Variants in SGSM3 observed in about 807,000 individuals in gnomAD.
The protein encoded by SGSM3 is small G protein signaling modulator 3.
In SGSM3, 96 loss-of-function variants were observed where a neutral mutation model predicts 100.5. The ratio of observed to expected loss-of-function variants is 0.96; its 90% CI spans 0.81 to 1.13. The LOEUF is 1.13. SGSM3 is among the 50% of genes most tolerant of loss of function. SGSM3 has a pLI of 0.00. For synonymous variants in SGSM3, 483 were observed against 422.8 expected (o/e 1.14, Z -1.75); for missense variants, 1,001 against 1,015.8 (o/e 0.99, Z 0.20).
Position 40,407,109 on chromosome 22 carries a change from G to A in SGSM3, c.1240+38G>A, listed in dbSNP as rs749567984. 1.0e-5 allele frequency: 16 copies of A among 1,607,228 alleles called. No individual in the cohort carries two copies. Among genetic ancestry groups the A allele is most frequent in the Middle Eastern group, 1.6e-4 (1 of 6,072 alleles). On this transcript the variant is annotated intron_variant, in intron 11 of 21. Transcript: ENST00000248929. This position sits in a 1 kb window ranked among gnomAD's most constrained non-coding sequence, Gnocchi z 4.7. ...CGAGTGCCAGGCAGTGTGGGCATGC[G>A]GGAGTCTGTCCTCACGCTCATGTGG...
intron 1 of SGSM3, among the ~76,000 whole-genome samples, chr22:40,370,920 C>T (rs1018841785): frequency 3.9e-5 from 6 of 152,180 alleles, no homozygotes; most frequent in Non-Finnish European, 7.4e-5. Context: ...CTGCGTCCTC[C>T]GGTGCGGCCG....
At position 40,405,701 on chromosome 22, in the gene SGSM3, T is replaced by C. The variant is rs905171729; in HGVS notation, c.671T>C (p.Met224Thr). The C allele has an allele frequency of 2.5e-6, 4 of 1,613,656 alleles. No homozygotes were observed. In the African/African-American group the frequency reaches 4.0e-5, roughly 16 times the overall value. ...FLEEEDAFWM[M>T]SAIIEDLLPA... ...GAGGAGGAGGACGCCTTCTGGATGA[T>C]GTCTGCCATCATCGAGGACCTGCTC... The change falls in exon 8 of 22, where the codon ATG (methionine) becomes ACG (threonine). Residue 224 changes from methionine (M) to threonine (T), a missense_variant. By Grantham distance (81) the Met-to-Thr change is moderately conservative (BLOSUM62 -1). Transcript: ENST00000248929.
At chr22:40,404,702 T>A in intron 6 of SGSM3, 38 bp downstream of exon 6, 4 of 1,465,226 alleles carry the variant, frequency 2.7e-6, no homozygotes, top group Non-Finnish European at 3.8e-6. Context: ...AGCTGGAGGC[T>A]GTGTGGGCTC....
At chr22:40,405,911 G>C (rs1160828976) in intron 8 of SGSM3, 67 bp downstream of exon 8, 2 of 1,521,242 alleles carry the variant, frequency 1.3e-6, no homozygotes, top group Non-Finnish European at 1.8e-6. Flanking sequence ...TGGCCGAGTG[G>C]GGATAGGGCA....
At chr22:40,401,565 T>G (rs1218137093) in intron 2 of SGSM3, 28 bp from the exon 3 acceptor site, 1 of 1,589,222 alleles carries the variant, frequency 6.3e-7, no homozygotes, top group Admixed American at 1.7e-5. Context: ...ATTTTCTTGA[T>G]TGTTCTCCTG....
chr22:40,408,760 C>G, intron 17 of SGSM3, 34 bp from the exon 18 acceptor site: 1 of 1,613,844 alleles, frequency 6.2e-7, no homozygotes, highest in African/African-American at 1.3e-5. Context: ...CCTGACCCAG[C>G]CCCGGCACCC....
intron 9 of SGSM3, 73 bp downstream of exon 9, chr22:40,406,296 T>C: frequency 6.3e-7 from 1 of 1,588,592 alleles, no homozygotes; most frequent in East Asian, 2.3e-5. Flanking sequence ...GAGACCTCCC[T>C]GGGCCAGGCA....
chr22:40,399,935 C>T (rs1279469967), intron 1 of SGSM3, among the ~76,000 whole-genome samples: 1 of 152,194 alleles, frequency 6.6e-6, no homozygotes, highest in Non-Finnish European at 1.5e-5. Flanking sequence ...GAGCAGAGGC[C>T]GGGACACAGC....
chr22:40,399,919 G>A (rs952128516), intron 1 of SGSM3, among the ~76,000 whole-genome samples: 2 of 152,212 alleles, frequency 1.3e-5, no homozygotes, highest in Non-Finnish European at 2.9e-5. Context: ...TGTGTGTCTG[G>A]GGCAGGAGCA....
At chr22:40,388,491 G>T (rs1307514528) in intron 1 of SGSM3, among the ~76,000 whole-genome samples, 1 of 149,506 alleles carries the variant, frequency 6.7e-6, no homozygotes, top group Non-Finnish European at 1.5e-5. Flanking sequence ...GAGGCTGCAG[G>T]GAGTAGCAGG....
At position 40,406,496 on chromosome 22, in the gene SGSM3, T is replaced by C. The variant is rs2051543801; in HGVS notation, c.1019T>C (p.Ile340Thr). ...TCCATCTTCAACACGCTATCGGATATCCCGTCGCAGATGGAGGACGCGGAG... is the reference window on the plus strand; with the variant it reads ...TCCATCTTCAACACGCTATCGGATACCCCGTCGCAGATGGAGGACGCGGAG... ...SASIFNTLSD[I>T]PSQMEDAELL... The change falls in exon 10 of 22, where the codon ATC becomes ACC. Residue 340 changes from isoleucine to threonine, a missense_variant. Transcript: ENST00000248929. The C allele has an allele frequency of 6.2e-7, 1 of 1,611,158 alleles. No homozygotes were observed. Among genetic ancestry groups the C allele is most frequent in the African/African-American group, 1.3e-5 (1 of 74,888 alleles).
Position 40,409,450 on chromosome 22 carries a change from C to T in SGSM3, c.2112-15C>T. 6.4e-7 allele frequency: 1 copy of T among 1,567,548 alleles called. No individual in the cohort carries two copies. The highest frequency in any genetic ancestry group is 8.7e-7 in the Non-Finnish European group (1 of 1,154,564). ...GGGGGTGACAAGAGCCTTACCACCC[C>T]TTCCTCACCTCTAGAGTCCTCTGCT... is the stretch of plus-strand genomic sequence containing the variant. On this transcript the variant is annotated splice_polypyrimidine_tract_variant and intron_variant, in intron 20 of 21. Coordinates refer to ENST00000248929, the MANE Select transcript of SGSM3 (RefSeq NM_015705.6).
At chr22:40,371,337 T>G (rs2045427513) in intron 1 of SGSM3, among the ~76,000 whole-genome samples, 2 of 152,378 alleles carry the variant, frequency 1.3e-5, no homozygotes, top group Admixed American at 1.3e-4. Context: ...AAGGTTGTTT[T>G]CAGTGACTGG....
chr22:40,409,515 C>T lies in SGSM3; in HGVS notation c.2162C>T (p.Ala721Val), dbSNP rs147301442. Residue 721 changes from alanine (A) to valine (V), a missense_variant, in exon 21 of 22, where the codon GCG becomes GTG. Physicochemically the swap from Ala to Val is moderately conservative, Grantham distance 64. Coordinates refer to ENST00000248929, the MANE Select transcript of SGSM3 (RefSeq NM_015705.6). ...CTCTCCCAGGACTGGGAGCTCCCTGCGAAGAGAGAGGTGGGTGGTGTGGGC... is the reference window on the plus strand; with the variant it reads ...CTCTCCCAGGACTGGGAGCTCCCTGTGAAGAGAGAGGTGGGTGGTGTGGGC... ...FSLSQDWELP[A>V]KREAQQPLKE... The T allele has an allele frequency of 5.3e-5, 84 of 1,598,204 alleles. No homozygotes were observed. Among genetic ancestry groups the T allele is most frequent in the African/African-American group, 9.4e-5 (7 of 74,138 alleles).
At chr22:40,405,984 CCTT>C in intron 8 of SGSM3, 91 bp from the exon 9 acceptor site, 1 of 1,525,494 alleles carries the variant, frequency 6.6e-7, no homozygotes. Context: ...CCCCTCCCCT[CCTT>C]TGCTCTTAAG....
intron 6 of SGSM3, 129 bp from the exon 7 acceptor site, chr22:40,405,012 G>A (rs1028122704): frequency 1.6e-6 from 2 of 1,280,580 alleles, no homozygotes; most frequent in East Asian, 2.5e-5. Flanking sequence ...GACCCTGAAG[G>A]GAGGAGGGTG....
intron 1 of SGSM3, among the ~76,000 whole-genome samples, chr22:40,390,028 T>C (rs1198711263): frequency 6.6e-6 from 1 of 151,990 alleles, no homozygotes; most frequent in African/African-American, 2.4e-5. Flanking sequence ...AAAGCAGATA[T>C]GTGAAATAAA....
intron 1 of SGSM3, 67 bp from the exon 2 acceptor site, chr22:40,400,629 G>A (rs2050625146): frequency 1.7e-6 from 1 of 593,478 alleles, no homozygotes; most frequent in Admixed American, 3.0e-5. Flanking sequence ...AGGTGACCAA[G>A]CGAGACTCTG....
At position 40,407,806 on chromosome 22, in the gene SGSM3, C is replaced by T. The variant is rs1028679777; in HGVS notation, c.1542C>T (p.Asp514=). ...NDIITIVSQK[D]EHCWVGELNG... ...CTGTGCAGATCGTGTCTCAGAAGGACGAGCACTGCTGGGTGGGGGAGCTCA... is the reference window on the plus strand; with the variant it reads ...CTGTGCAGATCGTGTCTCAGAAGGATGAGCACTGCTGGGTGGGGGAGCTCA... Residue 514 remains aspartate (D), a synonymous_variant, in exon 14 of 22, where the codon GAC becomes GAT. Coordinates refer to ENST00000248929, the MANE Select transcript of SGSM3 (RefSeq NM_015705.6). The surrounding 1 kb of genome is among the most constrained non-coding windows in gnomAD (Gnocchi z 4.7). The T allele has an allele frequency of 2.0e-5, 32 of 1,613,752 alleles. No individual in the cohort carries two copies. The highest frequency in any genetic ancestry group is 8.9e-5 in the East Asian group (4 of 44,888).
Sources: allele counts gnomAD v4.1 joint callset (sites outside exome capture counted in the v4.1 genomes callset), GRCh38; gene constraint gnomAD v4.1.1; non-coding constraint Gnocchi (gnomAD v3.1); transcripts MANE v1.5; gene names NCBI Gene and HGNC (gene_info 2026-07-23, HGNC 2026-07-21).